The following MAMLD1 variants were observed in gnomAD, a reference collection of about 807,000 sequenced individuals.
The protein encoded by MAMLD1 is mastermind like domain containing 1.
Under a neutral mutation model 45.0 loss-of-function variants are expected in MAMLD1, and 14 were observed. That is an observed-to-expected ratio of 0.31 (90% CI 0.21 to 0.49). The LOEUF (loss-of-function observed/expected upper bound fraction) is 0.49, where lower values mean the gene tolerates loss of function less well. Ranked by LOEUF, MAMLD1 falls within the 20% of genes least tolerant of loss-of-function variation. MAMLD1 has a pLI of 0.99. For synonymous variants in MAMLD1, 254 were observed against 247.8 expected (o/e 1.02, Z -0.24); for missense variants, 543 against 603.6 (o/e 0.90, Z 1.05).
At chrX:150,486,556 T>C (rs1398841728) in intron 5 of MAMLD1, among the ~76,000 whole-genome samples, 1 of 111,531 alleles carries the variant, frequency 9.0e-6, no homozygotes, top group African/African-American at 3.3e-5. Context: ...ACAGTATTTG[T>C]TGCAATCAAT....
chrX:150,442,657 C>T (rs782069411), intron 1 of MAMLD1, among the ~76,000 whole-genome samples: 1 of 111,600 alleles, frequency 9.0e-6, no homozygotes, highest in South Asian at 3.7e-4. Context: ...ATGTTATAAT[C>T]GATGATTTAA....
intron 1 of MAMLD1, among the ~76,000 whole-genome samples, chrX:150,426,508 C>G (rs1437811302): frequency 8.9e-6 from 1 of 112,411 alleles, no homozygotes; most frequent in African/African-American, 3.2e-5. Flanking sequence ...CATATGGCCC[C>G]TGTACCACAG....
chrX:150,394,129 C>CTTTTTTTTTTTTTTTTTTTTTTTT lies in MAMLD1; in HGVS notation c.-64+30601_-64+30624dup, dbSNP rs781904160. On this transcript the variant is annotated intron_variant, in intron 1 of 7. Coordinates refer to ENST00000370401, the MANE Select transcript of MAMLD1 (RefSeq NM_005491.5). ...GGGGTGTAAGGTCTATATCTACATC[C>CTTTTTTTTTTTTTTTTTTTTTTTT]TTTTTTTTTTTTTTTTTTTTTTTTT... is the stretch of plus-strand genomic sequence containing the variant. Among the ~76,000 whole-genome samples the CTTTTTTTTTTTTTTTTTTTTTTTT allele has an allele frequency of 6.5e-4, 8 of 12,261 alleles. 1 individual carries two copies. The highest frequency in any genetic ancestry group is 1.7e-3 in the Admixed American group (1 of 588). The allele number at this position is 12,261 out of a possible 115,157, so 10.6% of individuals were successfully genotyped here.
intron 1 of MAMLD1, among the ~76,000 whole-genome samples, chrX:150,398,324 A>G (rs1569564596): frequency 2.2e-5 from 2 of 91,232 alleles, no homozygotes; most frequent in Non-Finnish European, 2.3e-5. Flanking sequence ...GAAGAAGAAG[A>G]AGAAGAAGAA....
Position 150,510,041 on chromosome X carries a change from T to C in MAMLD1, c.*39T>C. 1 of 1,195,253 alleles carries C rather than the reference T, an allele frequency of 8.4e-7. No individual in the cohort carries two copies. The highest frequency in any genetic ancestry group is 1.1e-6 in the Non-Finnish European group (1 of 880,871). On this transcript the variant is annotated 3_prime_UTR_variant, in exon 7 of 8. Coordinates refer to ENST00000370401, the MANE Select transcript of MAMLD1 (RefSeq NM_005491.5). ...TATATCTCCCAACAGATGAGTCCAT[T>C]TGAAGGTAAGCAGTTAAGGCCAGTG...
upstream of MAMLD1, chrX:150,362,768 T>C (rs1311860835): frequency 1.8e-5 from 2 of 112,123 alleles, no homozygotes; most frequent in Admixed American, 1.9e-4. Context: ...CGGCGGGCTC[T>C]GTCTGCTGGA....
chrX:150,490,365 T>C (rs1468870167), intron 5 of MAMLD1, among the ~76,000 whole-genome samples: 3 of 112,497 alleles, frequency 2.7e-5, no homozygotes, highest in African/African-American at 9.7e-5. Flanking sequence ...ATTGTTGTTT[T>C]TCCCCCTTTC....
intron 1 of MAMLD1, among the ~76,000 whole-genome samples, chrX:150,403,978 AAG>A (rs1182434910): frequency 1.0e-5 from 1 of 98,672 alleles, no homozygotes; most frequent in African/African-American, 3.9e-5. Context: ...GAAAGAAAGA[AAG>A]AAAGAAAGAA....
chrX:150,412,141 A>G (rs2034138500), intron 1 of MAMLD1, among the ~76,000 whole-genome samples: 1 of 111,537 alleles, frequency 9.0e-6, no homozygotes. Context: ...CTGGGATTCT[A>G]TTTTGTACTT....
intron 2 of MAMLD1, among the ~76,000 whole-genome samples, chrX:150,456,572 G>A (rs1276172188): frequency 9.0e-6 from 1 of 111,564 alleles, no homozygotes; most frequent in Non-Finnish European, 1.9e-5. Flanking sequence ...GTCATGTCAT[G>A]AACATGATAT....
rs782659021 is a variant in MAMLD1, at chrX:150,380,861, AT to A, written c.-64+17344del. Among the ~76,000 whole-genome samples the A allele has an allele frequency of 4.9e-3, 506 of 102,639 alleles. 3 individuals carry two copies. Among genetic ancestry groups the A allele is most frequent in the African/African-American group, 0.014 (403 of 28,366 alleles). 89.1% of individuals were successfully genotyped at this position (102,639 alleles called of 115,157 possible). A position where few individuals can be genotyped will look rare whatever the true frequency, so the allele number is the denominator to read the frequency against. On this transcript the variant is annotated intron_variant, in intron 1 of 7. Coordinates refer to ENST00000370401, the MANE Select transcript of MAMLD1 (RefSeq NM_005491.5). Reference sequence around the variant, plus strand: ...GTGTGCCACAACCACACTTGGCTAAATTTTTTTTTTTTTAATGTTTTGTAGA... The same window carrying A: ...GTGTGCCACAACCACACTTGGCTAAATTTTTTTTTTTTAATGTTTTGTAGA...
At chrX:150,390,320 C>T (rs1346071897) in intron 1 of MAMLD1, among the ~76,000 whole-genome samples, 1 of 112,392 alleles carries the variant, frequency 8.9e-6, no homozygotes, top group East Asian at 2.8e-4. Context: ...CATGTTCTGG[C>T]TTAAGTCTGC....
rs1557406328 is a variant in MAMLD1 at position 150,470,533 on chromosome X, G to A, written c.960G>A (p.Lys320=). The A allele has an allele frequency of 1.7e-6, 2 of 1,211,595 alleles. No individual in the cohort carries two copies. Among genetic ancestry groups the A allele is most frequent in the South Asian group, 1.8e-5 (1 of 56,965 alleles). Residue 320 remains lysine (K), a synonymous_variant, in exon 4 of 8, where the codon AAG becomes AAA. Coordinates refer to ENST00000370401, the MANE Select transcript of MAMLD1 (RefSeq NM_005491.5). ...LAASKQGSAT[K]QQGPTPSWSG... is the part of the protein sequence containing the mutation. ...CCAGCAAGCAGGGGTCTGCTACAAA[G>A]CAGCAAGGGCCCACCCCCAGTTGGT...
chrX:150,489,591 C>A (rs1557407835), intron 5 of MAMLD1, among the ~76,000 whole-genome samples: 3 of 104,798 alleles, frequency 2.9e-5, no homozygotes. Context: ...ATGGCAAAAA[C>A]CGCAATTACT....
chrX:150,430,019 C>CTTTTTTTTTTTTTTTT (rs1174092962), intron 1 of MAMLD1, among the ~76,000 whole-genome samples: 31 of 49,227 alleles, frequency 6.3e-4, no homozygotes, highest in African/African-American at 1.1e-3. Context: ...TCTTTCTTTT[C>CTTTTTTTTTTTTTTTT]TTTTTTTTTT....
At chrX:150,482,028 G>GAAA (rs1407607926) in intron 5 of MAMLD1, among the ~76,000 whole-genome samples, 1 of 104,780 alleles carries the variant, frequency 9.5e-6, no homozygotes, top group Non-Finnish European at 2.0e-5. Flanking sequence ...AAGAAAGAAA[G>GAAA]AAAGAATTGA....
At chrX:150,466,382 G>A (rs1429599540) in intron 3 of MAMLD1, among the ~76,000 whole-genome samples, 2 of 112,240 alleles carry the variant, frequency 1.8e-5, no homozygotes, top group African/African-American at 3.2e-5. Context: ...ACATGGAGCT[G>A]CATGGCCTCT....
intron 2 of MAMLD1, 35 bp downstream of exon 2, chrX:150,445,647 T>G: frequency 1.0e-6 from 1 of 992,556 alleles, no homozygotes; most frequent in Non-Finnish European, 1.4e-6. Context: ...GGGGGGTATT[T>G]AATGCTTCTA....
At chrX:150,452,310 C>A (rs932800850) in intron 2 of MAMLD1, among the ~76,000 whole-genome samples, 1 of 112,180 alleles carries the variant, frequency 8.9e-6, no homozygotes, top group Non-Finnish European at 1.9e-5. Context: ...TGTCACGAGG[C>A]TTTGGGGTTA....
Sources: gnomAD v4.1 joint callset for allele counts (sites outside exome capture counted in the v4.1 genomes callset) on GRCh38, gnomAD v4.1.1 for gene constraint, MANE v1.5 for transcripts, NCBI Gene and HGNC (gene_info 2026-07-23, HGNC 2026-07-21) for gene names.